The following ATP9A variants were observed in gnomAD, a reference collection of about 807,000 sequenced individuals.
ATP9A encodes the protein probable phospholipid-transporting ATPase IIA.
Under a neutral mutation model 144.1 loss-of-function variants are expected in ATP9A, and 52 were observed. That is an observed-to-expected ratio of 0.36 (90% CI 0.29 to 0.45). ATP9A has a LOEUF of 0.45. Ranked by LOEUF, ATP9A falls within the 20% of genes least tolerant of loss-of-function variation. The pLI, the probability that ATP9A is intolerant of heterozygous loss-of-function variation, is 1.00. For missense variants in ATP9A, 947 were observed against 1,392.7 expected, an observed-to-expected ratio of 0.68 and a Z score of 5.09; for synonymous variants, 582 against 557.4, an observed-to-expected ratio of 1.04 and a Z score of -0.62.
intron 26 of ATP9A, 28 bp from the exon 27 acceptor site, chr20:51,605,048 C>T (rs1409089777): frequency 1.3e-6 from 2 of 1,550,110 alleles, no homozygotes; most frequent in South Asian, 2.4e-5. Flanking sequence ...GGGTATTCCC[C>T]TCACCCTCCC....
intron 1 of ATP9A, among the ~76,000 whole-genome samples, chr20:51,731,080 C>A (rs77446032): frequency 0.068 from 10,240 of 151,428 alleles, 777 homozygotes; most frequent in African/African-American, 0.19. Flanking sequence ...CCGAGGCAGG[C>A]GGATCATGAG....
intron 6 of ATP9A, among the ~76,000 whole-genome samples, chr20:51,694,750 C>T (rs1013454790): frequency 3.9e-5 from 6 of 152,192 alleles, no homozygotes; most frequent in African/African-American, 9.7e-5. Context: ...CATACAGATC[C>T]GTGCAAGTAG....
intron 14 of ATP9A, among the ~76,000 whole-genome samples, chr20:51,648,051 C>T (rs372117664): frequency 6.6e-6 from 1 of 152,190 alleles, no homozygotes; most frequent in East Asian, 1.9e-4. Context: ...AAGGTCATGG[C>T]AACGTGGTGG....
chr20:51,617,972 C>A (rs1336139175), intron 21 of ATP9A, among the ~76,000 whole-genome samples: 1 of 152,148 alleles, frequency 6.6e-6, no homozygotes, highest in Non-Finnish European at 1.5e-5. Context: ...ATAATCTCAG[C>A]ACTTTAGGAG....
chr20:51,648,304 T>C (rs1402063148), intron 14 of ATP9A, among the ~76,000 whole-genome samples: 2 of 152,024 alleles, frequency 1.3e-5, no homozygotes, highest in Non-Finnish European at 2.9e-5. Context: ...GTACTTGAGC[T>C]CTCCAGCAGG....
intron 18 of ATP9A, among the ~76,000 whole-genome samples, chr20:51,622,568 G>A (rs375128646): frequency 6.6e-6 from 1 of 152,198 alleles, no homozygotes; most frequent in South Asian, 2.1e-4. Flanking sequence ...CATTTTTGAC[G>A]CTGTGGACTT....
intron 1 of ATP9A, among the ~76,000 whole-genome samples, chr20:51,748,309 AAAG>A (rs996387471): frequency 1.4e-4 from 21 of 152,304 alleles, no homozygotes; most frequent in Non-Finnish European, 2.6e-4. Flanking sequence ...AAGAAGAAGA[AAAG>A]AAGAAAGAAG....
intron 3 of ATP9A, among the ~76,000 whole-genome samples, chr20:51,718,373 TG>T (rs554559902): frequency 4.1e-4 from 60 of 147,608 alleles, no homozygotes; most frequent in Non-Finnish European, 4.6e-4. Context: ...TATGTGTGTG[TG>T]GGGGGGGGTT....
intron 19 of ATP9A, among the ~76,000 whole-genome samples, 178 bp downstream of exon 19, chr20:51,621,896 T>A (rs2077228324): frequency 6.6e-6 from 1 of 151,858 alleles, no homozygotes; most frequent in African/African-American, 2.4e-5. Context: ...TGGAAGAAAC[T>A]CTCCAGCCGG....
rs765168293 is a variant in ATP9A at position 51,696,175 on chromosome 20, G to C, written c.496-31C>G. 16 of 1,608,866 alleles carry C rather than the reference G, an allele frequency of 9.9e-6. No individual in the cohort carries two copies. In the Middle Eastern group the frequency reaches 6.6e-4, roughly 66 times the overall value. On this transcript the variant is annotated intron_variant, in intron 5 of 27. Coordinates refer to ENST00000338821, the MANE Select transcript of ATP9A (RefSeq NM_006045.3). ...TTATGAAAAGAAAGACTGTTACTGT[G>C]AATGAATGACCGTGTGCTGTGCGGT...
intron 24 of ATP9A, among the ~76,000 whole-genome samples, chr20:51,609,882 T>A (rs2077178370): frequency 2.0e-5 from 3 of 152,132 alleles, no homozygotes; most frequent in Admixed American, 2.0e-4. Context: ...ACCACACACA[T>A]CTCCAACTCC....
Position 51,707,674 on chromosome 20 carries a change from C to T in ATP9A, c.436+5292G>A, listed in dbSNP as rs1568829653. Among the ~76,000 whole-genome samples, 5 of 152,136 alleles carry T rather than the reference C, an allele frequency of 3.3e-5. No homozygotes were observed. The South Asian group carries it at 1.0e-3, about 32-fold the overall frequency. On this transcript the variant is annotated intron_variant, in intron 4 of 27. Transcript: ENST00000338821. ...ATGCTCAGAACCGAGAATGCAGTGG[C>T]CAGAAAAGGGACATTCCTTATGAGG...
intron 13 of ATP9A, among the ~76,000 whole-genome samples, chr20:51,658,743 C>A (rs113701234): frequency 0.035 from 5,263 of 151,844 alleles, 114 homozygotes; most frequent in Non-Finnish European, 0.053. Flanking sequence ...TGGTCTCGAA[C>A]TCCTGACCTC....
chr20:51,713,758 C>A (rs2077649925), intron 3 of ATP9A, among the ~76,000 whole-genome samples: 1 of 152,182 alleles, frequency 6.6e-6, no homozygotes, highest in Non-Finnish European at 1.5e-5. Flanking sequence ...TACACTGCAA[C>A]CCCATTCATA....
chr20:51,696,198 G>A lies in ATP9A; in HGVS notation c.496-54C>T, dbSNP rs375356938. On this transcript the variant is annotated intron_variant, in intron 5 of 27. Transcript: ENST00000338821. ...GTGAATGAATGACCGTGTGCTGTGC[G>A]GTGGGGAGGGGGGCTTCCGCCCCCA... 308 of 1,566,712 alleles carry A rather than the reference G, an allele frequency of 2.0e-4. No homozygotes were observed. In the East Asian group the frequency reaches 4.3e-3, roughly 22 times the overall value.
At chr20:51,694,861 G>C (rs1256806895) in intron 6 of ATP9A, among the ~76,000 whole-genome samples, 2 of 151,520 alleles carry the variant, frequency 1.3e-5, no homozygotes, top group African/African-American at 4.9e-5. Context: ...ATTTTGGTTT[G>C]TTTGTTTGTT....
At chr20:51,733,621 C>T (rs2077751150) in intron 1 of ATP9A, among the ~76,000 whole-genome samples, 1 of 152,150 alleles carries the variant, frequency 6.6e-6, no homozygotes, top group Admixed American at 6.5e-5. Flanking sequence ...GATCCGCCTG[C>T]CTTGGCCTCC....
chr20:51,685,269 C>T (rs768594852), intron 9 of ATP9A, among the ~76,000 whole-genome samples: 5 of 151,928 alleles, frequency 3.3e-5, no homozygotes, highest in African/African-American at 7.3e-5. Flanking sequence ...TTCCAACAGC[C>T]ATCCTGTTTT....
chr20:51,619,023 A>T lies in ATP9A; in HGVS notation c.2136T>A (p.Ala712=). 1 of 1,614,012 alleles carries T rather than the reference A, an allele frequency of 6.2e-7. No individual in the cohort carries two copies. Among genetic ancestry groups the T allele is most frequent in the Non-Finnish European group, 8.5e-7 (1 of 1,179,984 alleles). The change falls in exon 20 of 28, where the codon GCT becomes GCA. Residue 712 remains alanine, a synonymous_variant. Coordinates refer to ENST00000338821, the MANE Select transcript of ATP9A (RefSeq NM_006045.3). ...TGCGGAAGGCGTTCAGCTCGAGGTG[A>T]GCCTCCCCGCGGTTGGTCACCTGGA... is the stretch of plus-strand genomic sequence containing the variant. ...VFRLVTNRGE[A]HLELNAFRRK...
Sources: gnomAD v4.1 joint callset for allele counts (sites outside exome capture counted in the v4.1 genomes callset) on GRCh38, gnomAD v4.1.1 for gene constraint, MANE v1.5 for transcripts, NCBI Gene and HGNC (gene_info 2026-07-23, HGNC 2026-07-21) for gene names.